Variants in OR52N4 observed in about 807,000 individuals in gnomAD.
OR52N4 encodes olfactory receptor family 52 subfamily N member 4.
In OR52N4, 15 loss-of-function variants were observed where a neutral mutation model predicts 15.0. That is an observed-to-expected ratio of 1.00 (90% CI 0.67 to 1.54). The LOEUF is 1.54. Among genes scored for constraint, OR52N4 ranks in the 40% most tolerant of loss-of-function variants. The pLI is 0.00. For synonymous variants in OR52N4, 143 were observed against 143.7 expected (o/e 1.00, Z 0.03); for missense variants, 421 against 394.0 (o/e 1.07, Z -0.58).
the OR52N4 span, chr11:5,738,310 GTCCCTTC>G: frequency 1.3e-5 from 2 of 152,222 alleles, no homozygotes; most frequent in African/African-American, 4.8e-5. Flanking sequence ...CACTGGATAT[GTCCCTTC>G]TCTGGCCACC....
At chr11:5,748,196 T>C in the OR52N4 span, among the ~76,000 whole-genome samples, 98 of 152,044 alleles carry the variant, frequency 6.4e-4, no homozygotes, top group Non-Finnish European at 9.9e-4. Flanking sequence ...ATGATGATTT[T>C]TGTTAAAACA....
chr11:5,749,914 T>A (rs1362622665), upstream of OR52N4, among the ~76,000 whole-genome samples: 1 of 152,012 alleles, frequency 6.6e-6, no homozygotes, highest in Non-Finnish European at 1.5e-5. Context: ...AACTTTGATG[T>A]GTACAAACTA....
chr11:5,741,862 T>C, the OR52N4 span, among the ~76,000 whole-genome samples: 4 of 152,126 alleles, frequency 2.6e-5, no homozygotes, highest in African/African-American at 9.7e-5. Context: ...AATGGTGTCC[T>C]TAAGAGCAAA....
the OR52N4 span, chr11:5,737,713 GC>G: frequency 2.4e-6 from 1 of 418,418 alleles, no homozygotes; most frequent in Non-Finnish European, 4.2e-6. Context: ...AGAAATTTCT[GC>G]CAAATCAAAT....
chr11:5,734,438 T>C, the OR52N4 span, among the ~76,000 whole-genome samples: 1 of 152,122 alleles, frequency 6.6e-6, no homozygotes, highest in Admixed American at 6.6e-5. Flanking sequence ...CATGGTGCAC[T>C]AGAAGTTACC....
chr11:5,736,899 C>A, the OR52N4 span: 1 of 1,614,036 alleles, frequency 6.2e-7, no homozygotes. Context: ...CTCTGCATGG[C>A]TTTTGATAGA....
chr11:5,737,493 G>A, the OR52N4 span: 73 of 1,603,964 alleles, frequency 4.6e-5, no homozygotes, highest in Non-Finnish European at 6.1e-5. Flanking sequence ...AGATCTTAGA[G>A]ACCTTCTCCA....
upstream of OR52N4, among the ~76,000 whole-genome samples, chr11:5,750,175 G>A (rs1048870552): frequency 4.6e-5 from 7 of 151,596 alleles, no homozygotes; most frequent in Non-Finnish European, 7.4e-5. Flanking sequence ...TTCTATTTTC[G>A]GTTTAGGAGA....
chr11:5,746,883 A>C, the OR52N4 span, among the ~76,000 whole-genome samples: 1 of 152,088 alleles, frequency 6.6e-6, no homozygotes, highest in Non-Finnish European at 1.5e-5. Flanking sequence ...ACTATTCATA[A>C]TAGCAAAGAT....
At chr11:5,735,057 AT>A in the OR52N4 span, among the ~76,000 whole-genome samples, 7 of 152,048 alleles carry the variant, frequency 4.6e-5, no homozygotes, top group Admixed American at 6.6e-5. Context: ...TTTCTTCCAG[AT>A]TTTTTTGGTA....
the OR52N4 span, among the ~76,000 whole-genome samples, chr11:5,745,811 C>A: frequency 3.3e-5 from 5 of 152,092 alleles, no homozygotes; most frequent in Non-Finnish European, 7.4e-5. Context: ...CTATAGTAAC[C>A]AAAACAGCAT....
chr11:5,743,670 A>C, the OR52N4 span, among the ~76,000 whole-genome samples: 1 of 152,232 alleles, frequency 6.6e-6, no homozygotes, highest in Admixed American at 6.5e-5. Flanking sequence ...GAAATTTTTT[A>C]AACATTGAAA....
chr11:5,736,967 T>G, the OR52N4 span: 1 of 1,614,146 alleles, frequency 6.2e-7, no homozygotes, highest in East Asian at 2.2e-5. Flanking sequence ...TTCCTTAATC[T>G]TAAAAGCTAC....
At chr11:5,731,296 C>T in the OR52N4 span, among the ~76,000 whole-genome samples, 1 of 152,156 alleles carries the variant, frequency 6.6e-6, no homozygotes, top group Non-Finnish European at 1.5e-5. Flanking sequence ...ATCTTATCCA[C>T]TTCTCATTCA....
At position 5,755,021 on chromosome 11, in the gene OR52N4, T is replaced by A. The variant is rs201497778; in HGVS notation, c.281T>A (p.Ile94Asn). ...LCIFWFHLKD[I>N]GFDECLVQMF... ...ATCTTCTGGTTTCATCTCAAGGACA[T>A]TGGATTTGATGAATGCCTTGTCCAG... Residue 94 changes from isoleucine (I) to asparagine (N), a missense_variant, in exon 2 of 2, where the codon ATT becomes AAT. Ile to Asn is a moderately radical substitution (Grantham distance 149). Transcript: ENST00000641350. 1.2e-6 allele frequency: 2 copies of A among 1,613,876 alleles called. No homozygotes were observed. Among genetic ancestry groups the A allele is most frequent in the Admixed American group, 1.7e-5 (1 of 59,966 alleles).
At chr11:5,736,698 AC>A in the OR52N4 span, 1 of 1,613,800 alleles carries the variant, frequency 6.2e-7, no homozygotes, top group Non-Finnish European at 8.5e-7. Context: ...ATCTGGCAGA[AC>A]CCTTCTTTAC....
chr11:5,751,390 A>G (rs1222690159), upstream of OR52N4, among the ~76,000 whole-genome samples: 1 of 151,134 alleles, frequency 6.6e-6, no homozygotes, highest in Non-Finnish European at 1.5e-5. Flanking sequence ...CTGTTTCTCT[A>G]CTTTATGAGA....
Position 5,755,942 on chromosome 11 carries a change from T to C in OR52N4, c.*236T>C. On this transcript the variant is annotated 3_prime_UTR_variant, in exon 2 of 2. Transcript: ENST00000641350. ...AAGGACCAGTCTAATAATTAAACCATATTTTATTCGACAAAACCTAATGAG... is the reference window on the plus strand; with the variant it reads ...AAGGACCAGTCTAATAATTAAACCACATTTTATTCGACAAAACCTAATGAG... The C allele has an allele frequency of 2.1e-6, 1 of 479,720 alleles. No homozygotes were observed. The highest frequency in any genetic ancestry group is 3.6e-6 in the Non-Finnish European group (1 of 274,972). 29.7% of individuals were successfully genotyped at this position (479,720 alleles called of 1,614,324 possible).
chr11:5,755,283 T>C lies in OR52N4; in HGVS notation c.543T>C (p.Cys181=). 2.5e-6 allele frequency: 4 copies of C among 1,614,094 alleles called. No homozygotes were observed. The highest frequency in any genetic ancestry group is 1.3e-5 in the African/African-American group (1 of 75,060). ...GCAATATACTTCCCCATACCTACTGTGACCACATGTCTGTAGCCAAATTGT... is the reference window on the plus strand; with the variant it reads ...GCAATATACTTCCCCATACCTACTGCGACCACATGTCTGTAGCCAAATTGT... ...CRGNILPHTY[C]DHMSVAKLSC... The change falls in exon 2 of 2, where the codon TGT becomes TGC. Residue 181 remains cysteine, a synonymous_variant. Coordinates refer to ENST00000641350, the MANE Select transcript of OR52N4 (RefSeq NM_001005175.5).
Sources: allele counts gnomAD v4.1 joint callset (sites outside exome capture counted in the v4.1 genomes callset), GRCh38; gene constraint gnomAD v4.1.1; transcripts MANE v1.5; gene names NCBI Gene and HGNC (gene_info 2026-07-23, HGNC 2026-07-21).